ADGRL2: variants seen among roughly 807,000 people sequenced by gnomAD.
The protein encoded by ADGRL2 is adhesion G protein-coupled receptor L2.
In ADGRL2, 44 loss-of-function variants were observed where a neutral mutation model predicts 157.4. The ratio of observed to expected loss-of-function variants is 0.28; its 90% CI spans 0.22 to 0.36. The LOEUF is 0.36. Among genes scored for constraint, ADGRL2 ranks in the 10% least tolerant of loss-of-function variants. ADGRL2 has a pLI of 1.00. For missense variants in ADGRL2, 1,510 were observed against 1,768.9 expected, an observed-to-expected ratio of 0.85 and a Z score of 2.63; for synonymous variants, 585 against 624.7, an observed-to-expected ratio of 0.94 and a Z score of 0.95.
At chr1:81,441,448 T>C (rs1449389160) in intron 1 of ADGRL2, among the ~76,000 whole-genome samples, 1 of 152,126 alleles carries the variant, frequency 6.6e-6, no homozygotes, top group Non-Finnish European at 1.5e-5. Context: ...AGGCCTCAAT[T>C]AAGAGTACAA....
chr1:81,427,390 T>G, intron 1 of ADGRL2: 1 of 735,532 alleles, frequency 1.4e-6, no homozygotes, highest in Non-Finnish European at 2.5e-6. Flanking sequence ...GTGGTAGATA[T>G]GGTGGTGGTG....
At chr1:81,849,220 AG>A (rs1431173663) in intron 2 of ADGRL2, among the ~76,000 whole-genome samples, 3 of 151,930 alleles carry the variant, frequency 2.0e-5, no homozygotes, top group East Asian at 3.9e-4. Context: ...CAGTGACAAA[AG>A]ACTGGATATA....
At chr1:81,807,735 G>A (rs1489107740) in intron 1 of ADGRL2, among the ~76,000 whole-genome samples, 1 of 151,686 alleles carries the variant, frequency 6.6e-6, no homozygotes, top group Non-Finnish European at 1.5e-5. Flanking sequence ...GTTTTGTTAA[G>A]CATGTTAAGT....
At chr1:81,385,362 G>A (rs1006495704) in intron 1 of ADGRL2, among the ~76,000 whole-genome samples, 4 of 152,050 alleles carry the variant, frequency 2.6e-5, no homozygotes, top group Non-Finnish European at 5.9e-5. Flanking sequence ...TCCAAAGGCT[G>A]CATAAAATGA....
At chr1:81,851,133 A>G (rs2092991114) in intron 2 of ADGRL2, among the ~76,000 whole-genome samples, 1 of 151,990 alleles carries the variant, frequency 6.6e-6, no homozygotes, top group Non-Finnish European at 1.5e-5. Flanking sequence ...CTTAGGATTA[A>G]CAGCTAAGTA....
chr1:81,567,347 C>G (rs553985218), intron 2 of ADGRL2, among the ~76,000 whole-genome samples: 12 of 152,196 alleles, frequency 7.9e-5, no homozygotes, highest in Admixed American at 2.6e-4. Flanking sequence ...CAGCATTGGA[C>G]AACACAGGTA....
chr1:81,584,564 T>A (rs1453211942), intron 3 of ADGRL2, among the ~76,000 whole-genome samples: 1 of 152,168 alleles, frequency 6.6e-6, no homozygotes, highest in Non-Finnish European at 1.5e-5. Flanking sequence ...TGTAACAGAA[T>A]GTTCTGGTTT....
chr1:81,928,050 A>T lies in ADGRL2; in HGVS notation c.288-8678A>T, dbSNP rs561575293. ...TTTGTATTCCCTCTCCATTCACTTG[A>T]TTATTTTGCCTGAGCAAATCTATTT... On this transcript the variant is annotated intron_variant, in intron 3 of 23. Transcript: ENST00000686636. Among the ~76,000 whole-genome samples the T allele has an allele frequency of 5.3e-5, 8 of 152,182 alleles. No homozygotes were observed. In the East Asian group the frequency reaches 1.5e-3, roughly 29 times the overall value.
chr1:81,757,825 G>A (rs998751576), intron 1 of ADGRL2, among the ~76,000 whole-genome samples: 4 of 152,160 alleles, frequency 2.6e-5, no homozygotes, highest in South Asian at 4.1e-4. Flanking sequence ...TTGAAAGGGC[G>A]CAAGCTCCAA....
chr1:81,629,745 G>C (rs948494709), intron 3 of ADGRL2, among the ~76,000 whole-genome samples: 1 of 151,536 alleles, frequency 6.6e-6, no homozygotes, highest in Non-Finnish European at 1.5e-5. Context: ...GTATGTGTTT[G>C]TGTGTGTATA....
intron 1 of ADGRL2, among the ~76,000 whole-genome samples, chr1:81,422,140 C>T (rs2077136185): frequency 1.3e-5 from 2 of 152,002 alleles, no homozygotes; most frequent in East Asian, 3.9e-4. Flanking sequence ...TAGAAACATA[C>T]CTGAATCCTT....
At chr1:81,863,594 C>T (rs915661099) in intron 2 of ADGRL2, among the ~76,000 whole-genome samples, 1 of 152,062 alleles carries the variant, frequency 6.6e-6, no homozygotes, top group Non-Finnish European at 1.5e-5. Context: ...GAAAAGATGG[C>T]AGATGATGGG....
intron 3 of ADGRL2, among the ~76,000 whole-genome samples, chr1:81,636,734 T>C (rs2082121679): frequency 6.6e-6 from 1 of 152,190 alleles, no homozygotes; most frequent in South Asian, 2.1e-4. Flanking sequence ...TAAACCTCCT[T>C]AGAGCCTTTA....
At chr1:81,424,950 T>A (rs576456924) in intron 1 of ADGRL2, among the ~76,000 whole-genome samples, 3 of 152,318 alleles carry the variant, frequency 2.0e-5, no homozygotes, top group African/African-American at 7.2e-5. Flanking sequence ...GCAGTCCTCT[T>A]CTCAGTACTT....
At chr1:81,402,291 G>C (rs1406411416) in intron 1 of ADGRL2, among the ~76,000 whole-genome samples, 1 of 152,124 alleles carries the variant, frequency 6.6e-6, no homozygotes, top group Non-Finnish European at 1.5e-5. Flanking sequence ...ATGCCACTCT[G>C]CCTGCCAGGC....
chr1:81,448,253 C>A (rs1276152538), intron 2 of ADGRL2, among the ~76,000 whole-genome samples: 1 of 139,354 alleles, frequency 7.2e-6, no homozygotes, highest in Non-Finnish European at 1.5e-5. Flanking sequence ...CAAGCGATTT[C>A]TCCTGTCTCA....
At chr1:81,579,186 A>G (rs889105925) in intron 2 of ADGRL2, 1 of 152,168 alleles carries the variant, frequency 6.6e-6, no homozygotes, top group African/African-American at 2.4e-5. Flanking sequence ...CCATGGTTTA[A>G]GCTAAAGCAA....
At chr1:81,884,422 C>T (rs964887366) in intron 2 of ADGRL2, among the ~76,000 whole-genome samples, 5 of 152,226 alleles carry the variant, frequency 3.3e-5, no homozygotes, top group Admixed American at 2.0e-4. Flanking sequence ...TTAAACTAAA[C>T]GTCTACCAGA....
At chr1:81,333,209 T>C (rs4650530) in intron 1 of ADGRL2, among the ~76,000 whole-genome samples, 113,799 of 151,950 alleles carry the variant, frequency 0.75, 43,274 homozygotes, top group African/African-American at 0.84. Flanking sequence ...AATACCCGGA[T>C]CTGGACTTTT....
Sources: allele counts gnomAD v4.1 joint callset (sites outside exome capture counted in the v4.1 genomes callset), GRCh38; gene constraint gnomAD v4.1.1; transcripts MANE v1.5; gene names NCBI Gene and HGNC (gene_info 2026-07-23, HGNC 2026-07-21).